CAMK1G: variants seen among roughly 807,000 people sequenced by gnomAD.
The protein encoded by CAMK1G is calcium/calmodulin dependent protein kinase IG, also known as calcium/calmodulin-dependent protein kinase type 1G.
Under a neutral mutation model 54.8 loss-of-function variants are expected in CAMK1G, and 27 were observed. That is an observed-to-expected ratio of 0.49 (90% CI 0.36 to 0.68). CAMK1G has a LOEUF of 0.68. Among genes scored for constraint, CAMK1G ranks in the 30% least tolerant of loss-of-function variants. The pLI, the probability that CAMK1G is intolerant of heterozygous loss-of-function variation, is 0.00. For synonymous variants in CAMK1G, 238 were observed against 224.9 expected (o/e 1.06, Z -0.52); for missense variants, 512 against 591.0 (o/e 0.87, Z 1.39).
chr1:209,606,902 C>A (rs1005372649), intron 6 of CAMK1G, among the ~76,000 whole-genome samples: 7 of 152,174 alleles, frequency 4.6e-5, no homozygotes, highest in African/African-American at 1.7e-4. Context: ...CAGAAATGGG[C>A]TCCTAAATGT....
At chr1:209,598,515 A>G (rs1665443414) in intron 2 of CAMK1G, among the ~76,000 whole-genome samples, 1 of 152,204 alleles carries the variant, frequency 6.6e-6, no homozygotes, top group Non-Finnish European at 1.5e-5. Flanking sequence ...AAATCTCTCC[A>G]CAGCTGCAGT....
Position 209,611,467 on chromosome 1 carries a change from T to C in CAMK1G, c.830T>C (p.Ile277Thr), listed in dbSNP as rs1422104646. Residue 277 changes from isoleucine to threonine, a missense_variant and splice_region_variant, in exon 10 of 13, where the codon ATT becomes ACT. By Grantham distance (89) the Ile-to-Thr change is moderately conservative. Around this residue, in one of 3 missense-constraint regions of CAMK1G, gnomAD observed 315 missense variants for 330.5 expected, o/e 0.95. Coordinates refer to ENST00000361322, the MANE Select transcript of CAMK1G (RefSeq NM_020439.3). ...GGTGTCCCCTCTTACATCCACAGGA[T>C]TGACGGAAACACAGCCCTCCACCGG... ...TCEKALSHPW[I>T]DGNTALHRDI... 3.1e-6 allele frequency: 5 copies of C among 1,614,046 alleles called. No homozygotes were observed. Among genetic ancestry groups the C allele is most frequent in the East Asian group, 4.5e-5 (2 of 44,890 alleles).
At chr1:209,600,315 T>C (rs1665497213) in intron 3 of CAMK1G, among the ~76,000 whole-genome samples, 1 of 151,520 alleles carries the variant, frequency 6.6e-6, no homozygotes, top group Non-Finnish European at 1.5e-5. Flanking sequence ...AACAAATTGA[T>C]GAGCAAATCC....
At chr1:209,606,553 A>C in intron 6 of CAMK1G, 110 bp downstream of exon 6, 3 of 1,230,764 alleles carry the variant, frequency 2.4e-6, no homozygotes, top group Non-Finnish European at 3.4e-6. Context: ...TTCAGGGGCT[A>C]TCCTGGTAGG....
At position 209,612,886 on chromosome 1, in the gene CAMK1G, C is replaced by T. The variant is rs1261258613; in HGVS notation, c.*11C>T. ...TGTCTCATTATGTGATTCCTGGAGC[C>T]TGTGCCTATGTCACTGCAATTTTCA... On this transcript the variant is annotated 3_prime_UTR_variant, in exon 12 of 13. Coordinates refer to ENST00000361322, the MANE Select transcript of CAMK1G (RefSeq NM_020439.3). The T allele has an allele frequency of 1.9e-6, 3 of 1,577,178 alleles. No individual in the cohort carries two copies. In the East Asian group the frequency reaches 6.7e-5, roughly 35 times the overall value.
intron 1 of CAMK1G, among the ~76,000 whole-genome samples, chr1:209,591,508 G>A (rs1191103108): frequency 1.3e-5 from 2 of 152,150 alleles, no homozygotes; most frequent in Non-Finnish European, 2.9e-5. Flanking sequence ...GGGGAATGGG[G>A]AACTTTAAGT....
chr1:209,605,039 C>T (rs1665613811), intron 4 of CAMK1G, among the ~76,000 whole-genome samples: 1 of 152,180 alleles, frequency 6.6e-6, no homozygotes, highest in Admixed American at 6.5e-5. Flanking sequence ...CAAAGCACCC[C>T]TAAAGCCCTA....
intron 1 of CAMK1G, among the ~76,000 whole-genome samples, chr1:209,593,696 C>T (rs1023976807): frequency 6.6e-6 from 1 of 152,214 alleles, no homozygotes; most frequent in African/African-American, 2.4e-5. Flanking sequence ...GAATACATCC[C>T]AGGTTCATCA....
At chr1:209,612,703 A>C in intron 11 of CAMK1G, 82 bp from the exon 12 acceptor site, 1 of 1,147,602 alleles carries the variant, frequency 8.7e-7, no homozygotes, top group Middle Eastern at 2.0e-4. Flanking sequence ...CCACAGGCAC[A>C]GAGAACTACC....
rs142776782 is a variant in CAMK1G at position 209,612,139 on chromosome 1, C to T, written c.1263C>T (p.Ser421=). 6.2e-7 allele frequency: 1 copy of T among 1,614,048 alleles called. No homozygotes were observed. The highest frequency in any genetic ancestry group is 8.5e-7 in the Non-Finnish European group (1 of 1,179,982). Residue 421 remains serine, a synonymous_variant, in exon 11 of 13, where the codon AGC becomes AGT. Coordinates refer to ENST00000361322, the MANE Select transcript of CAMK1G (RefSeq NM_020439.3). The stretch of plus-strand genomic sequence containing the variant: ...CCGGGCCCTGTGGCTGCTGCTCCAG[C>T]TGCCTGAACATTGGGAGCAAAGGAA... ...LAAGPCGCCS[S]CLNIGSKGKS...
rs1231037633 is a variant in CAMK1G, at chr1:209,612,805, T to C, written c.1361T>C (p.Met454Thr). The C allele has an allele frequency of 2.5e-6, 4 of 1,614,094 alleles. No individual in the cohort carries two copies. The highest frequency in any genetic ancestry group is 2.2e-5 in the East Asian group (1 of 44,880). ...TCTAGGAACTTCAAGTCGGAGGTCATGGTACCAGTTAAAGCCAGTGGCAGC... is the reference window on the plus strand; with the variant it reads ...TCTAGGAACTTCAAGTCGGAGGTCACGGTACCAGTTAAAGCCAGTGGCAGC... ...NKKQNFKSEV[M>T]VPVKASGSSH... is the part of the protein sequence containing the mutation. The change falls in exon 12 of 13, where the codon ATG becomes ACG. Residue 454 changes from methionine (M) to threonine (T), a missense_variant. Physicochemically the swap from Met to Thr is moderately conservative, Grantham distance 81. This residue lies in a region of CAMK1G where 315 missense variants were observed against 330.5 expected (regional missense o/e 0.95). Coordinates refer to ENST00000361322, the MANE Select transcript of CAMK1G (RefSeq NM_020439.3).
rs750952662 is a variant in CAMK1G, at chr1:209,611,817, T to C, written c.941T>C (p.Val314Ala). The change falls in exon 11 of 13, where the codon GTG becomes GCG. Residue 314 changes from valine (V) to alanine (A), a missense_variant. By Grantham distance (64) the Val-to-Ala change is moderately conservative (BLOSUM62 0). Around this residue, in one of 3 missense-constraint regions of CAMK1G, gnomAD observed 315 missense variants for 330.5 expected, o/e 0.95. Coordinates refer to ENST00000361322, the MANE Select transcript of CAMK1G (RefSeq NM_020439.3). The part of the protein sequence containing the change: ...WRQAFNAAAV[V>A]HHMRKLHMNL... Reference sequence around the variant, plus strand: ...CAAGCCTTCAACGCAGCAGCTGTGGTGCACCACATGAGGAAGCTACACATG... The same window carrying C: ...CAAGCCTTCAACGCAGCAGCTGTGGCGCACCACATGAGGAAGCTACACATG... 2.5e-6 allele frequency: 4 copies of C among 1,614,076 alleles called. No individual in the cohort carries two copies. Among genetic ancestry groups the C allele is most frequent in the Non-Finnish European group, 3.4e-6 (4 of 1,180,020 alleles).
chr1:209,599,846 C>A, intron 2 of CAMK1G, 137 bp from the exon 3 acceptor site: 1 of 1,019,994 alleles, frequency 9.8e-7, no homozygotes, highest in Non-Finnish European at 1.4e-6. Context: ...GATGTTTCTT[C>A]CAGATTTAAA....
At chr1:209,602,923 T>C (rs946337489) in intron 3 of CAMK1G, among the ~76,000 whole-genome samples, 1 of 151,824 alleles carries the variant, frequency 6.6e-6, no homozygotes, top group Non-Finnish European at 1.5e-5. Context: ...CTTCTAACTG[T>C]CTCTTTTAGT....
rs1665713414 is a variant in CAMK1G at position 209,608,879 on chromosome 1, G to A, written c.636-101G>A. On this transcript the variant is annotated intron_variant, in intron 7 of 12. Coordinates refer to ENST00000361322, the MANE Select transcript of CAMK1G (RefSeq NM_020439.3). ...TCACACCACTGTTCTGGGACCTTCA[G>A]TGCCCACCTGTGTATACAGTGGGAG... 4 of 1,523,634 alleles carry A rather than the reference G, an allele frequency of 2.6e-6. No individual in the cohort carries two copies. The East Asian group carries it at 6.8e-5, about 26-fold the overall frequency. The allele number at this position is 1,523,634 out of a possible 1,614,324, so 94.4% of individuals were successfully genotyped here.
At chr1:209,590,722 T>C (rs1353328454) in intron 1 of CAMK1G, among the ~76,000 whole-genome samples, 2 of 152,152 alleles carry the variant, frequency 1.3e-5, no homozygotes, top group Non-Finnish European at 2.9e-5. Flanking sequence ...CCTGTTGTTC[T>C]GTGGAGAGGG....
At chr1:209,595,604 C>T (rs937683117) in intron 2 of CAMK1G, among the ~76,000 whole-genome samples, 2 of 152,094 alleles carry the variant, frequency 1.3e-5, no homozygotes, top group African/African-American at 4.8e-5. Context: ...GACACTAGAA[C>T]TTTCCCAGTC....
At chr1:209,589,851 T>C (rs1665200789) in intron 1 of CAMK1G, among the ~76,000 whole-genome samples, 5 of 152,216 alleles carry the variant, frequency 3.3e-5, no homozygotes, top group Admixed American at 3.3e-4. Flanking sequence ...AAATGAATGT[T>C]GAATGAAGGA....
chr1:209,610,224 C>T (rs1665749312), intron 9 of CAMK1G, among the ~76,000 whole-genome samples: 1 of 152,178 alleles, frequency 6.6e-6, no homozygotes, highest in South Asian at 2.1e-4. Flanking sequence ...ACTAGTTATT[C>T]AAGAAGTGCC....
Sources: allele counts gnomAD v4.1 joint callset (sites outside exome capture counted in the v4.1 genomes callset), GRCh38; gene constraint gnomAD v4.1.1; regional missense constraint gnomAD v4.1.1; transcripts MANE v1.5; gene names NCBI Gene and HGNC (gene_info 2026-07-23, HGNC 2026-07-21).